The following CACNA1C variants were observed in gnomAD, a reference collection of about 807,000 sequenced individuals.
CACNA1C encodes calcium voltage-gated channel subunit alpha1 C.
Under a neutral mutation model 229.0 loss-of-function variants are expected in CACNA1C, and 30 were observed. That is an observed-to-expected ratio of 0.13 (90% CI 0.10 to 0.18). The LOEUF (loss-of-function observed/expected upper bound fraction) is 0.18, where lower values mean the gene tolerates loss of function less well. Among genes scored for constraint, CACNA1C ranks in the 10% least tolerant of loss-of-function variants. The pLI is 1.00. For synonymous variants in CACNA1C, 1,114 were observed against 1,132.5 expected, an observed-to-expected ratio of 0.98 and a Z score of 0.33; for missense variants, 1,658 against 2,845.0, an observed-to-expected ratio of 0.58 and a Z score of 9.49.
chr12:2,063,171 G>C (rs1427313029), intron 1 of CACNA1C, among the ~76,000 whole-genome samples: 1 of 139,696 alleles, frequency 7.2e-6, no homozygotes, highest in Non-Finnish European at 1.5e-5. Context: ...TTTTTTTCCT[G>C]AGGTGTAGTC....
chr12:2,540,860 C>T (rs4275682), intron 9 of CACNA1C, among the ~76,000 whole-genome samples: 125,984 of 152,144 alleles, frequency 0.83, 52,425 homozygotes, highest in East Asian at 0.91. Flanking sequence ...CAGGGCTGCC[C>T]AACAGCGTAT....
intron 3 of CACNA1C, among the ~76,000 whole-genome samples, chr12:2,206,326 A>T (rs547495585): frequency 2.0e-4 from 30 of 151,454 alleles, no homozygotes; most frequent in Non-Finnish European, 4.3e-4. Context: ...AGCAGATGAG[A>T]CTCTGAGGGT....
chr12:2,300,776 C>G (rs2094492877), intron 3 of CACNA1C, among the ~76,000 whole-genome samples: 1 of 152,128 alleles, frequency 6.6e-6, no homozygotes, highest in Admixed American at 6.5e-5. Flanking sequence ...CTAGGACTCT[C>G]CAGGGCTAGA....
At chr12:2,277,277 C>T (rs1165353414) in intron 3 of CACNA1C, among the ~76,000 whole-genome samples, 1 of 151,768 alleles carries the variant, frequency 6.6e-6, no homozygotes, top group East Asian at 2.0e-4. Context: ...ATAGTTGTTT[C>T]TAGCAACTCA....
intron 9 of CACNA1C, among the ~76,000 whole-genome samples, chr12:2,518,474 G>A (rs1284183411): frequency 1.3e-5 from 2 of 152,084 alleles, no homozygotes; most frequent in Non-Finnish European, 1.5e-5. Flanking sequence ...CAGGAGCGGT[G>A]GCGGGCTCCT....
intron 1 of CACNA1C, among the ~76,000 whole-genome samples, chr12:2,095,096 T>G (rs1337735695): frequency 3.3e-5 from 5 of 152,232 alleles, no homozygotes; most frequent in Non-Finnish European, 1.5e-5. Context: ...AGACGGGAAC[T>G]TAGGGCTCCT....
intron 1 of CACNA1C, among the ~76,000 whole-genome samples, chr12:2,110,985 C>CTGTCTCACCCGAGAGGCCACACT (rs2081470939): frequency 6.6e-6 from 1 of 152,134 alleles, no homozygotes; most frequent in South Asian, 2.1e-4. Context: ...GAGGCCACAC[C>CTGTCTCACCCGAGAGGCCACACT]TGTCTCACCC....
intron 9 of CACNA1C, among the ~76,000 whole-genome samples, chr12:2,516,184 G>A (rs1351261297): frequency 6.6e-6 from 1 of 152,172 alleles, no homozygotes. Context: ...GCAGATAGTT[G>A]GGAAAGGAGC....
chr12:2,204,921 T>A (rs1335798179), intron 3 of CACNA1C, among the ~76,000 whole-genome samples: 1 of 144,558 alleles, frequency 6.9e-6, no homozygotes, highest in African/African-American at 2.5e-5. Flanking sequence ...TGTGCACATG[T>A]ACCCTAAAAC....
At chr12:2,269,925 A>AGGACCAAGACACCAAGGTAGGGGGAC (rs1468101960) in intron 3 of CACNA1C, 3 of 152,296 alleles carry the variant, frequency 2.0e-5, no homozygotes, top group Non-Finnish European at 4.4e-5. Context: ...TGTCACTGCC[A>AGGACCAAGACACCAAGGTAGGGGGAC]GGACCAAGAC....
At chr12:2,540,787 GTGGT>G (rs1368383685) in intron 9 of CACNA1C, among the ~76,000 whole-genome samples, 1 of 152,240 alleles carries the variant, frequency 6.6e-6, no homozygotes, top group Non-Finnish European at 1.5e-5. Context: ...GCAGCCCGGT[GTGGT>G]TGGAGTTTCT....
Position 2,319,545 on chromosome 12 carries a change from TCTCCA to T in CACNA1C, c.478-129427_478-129423del, listed in dbSNP as rs1265576065. On this transcript the variant is annotated intron_variant, in intron 3 of 46. Coordinates refer to ENST00000399655, the MANE Select transcript of CACNA1C (RefSeq NM_000719.7). The surrounding 1 kb of genome is among the most constrained non-coding windows in gnomAD (Gnocchi z 4.0). ...CCAGCGGGTGGGTTGGATTCCAGGG[TCTCCA>T]CTCAGGGGCATTGCCGGGTGAGCCT... Among the ~76,000 whole-genome samples, 1 of 152,004 alleles carries T rather than the reference TCTCCA, an allele frequency of 6.6e-6. No homozygotes were observed. The highest frequency in any genetic ancestry group is 1.5e-5 in the Non-Finnish European group (1 of 67,972).
chr12:2,051,887 G>C (rs940936505), upstream of CACNA1C, among the ~76,000 whole-genome samples: 1 of 152,210 alleles, frequency 6.6e-6, no homozygotes, highest in African/African-American at 2.4e-5. Context: ...ATAGACATTT[G>C]ATATAGACAG....
At chr12:2,091,734 A>T (rs1157925606) in intron 1 of CACNA1C, among the ~76,000 whole-genome samples, 1 of 152,232 alleles carries the variant, frequency 6.6e-6, no homozygotes, top group Non-Finnish European at 1.5e-5. Flanking sequence ...GATGGTCATT[A>T]TTCAGCCCAC....
chr12:2,260,848 A>C (rs545488750), intron 3 of CACNA1C, among the ~76,000 whole-genome samples: 1 of 152,332 alleles, frequency 6.6e-6, no homozygotes, highest in South Asian at 2.1e-4. Context: ...TTATATTCTC[A>C]ATAACTACTG....
rs2099706303 is a variant in CACNA1C, at chr12:2,488,689, C to T, written c.916+2427C>T. On this transcript the variant is annotated intron_variant, in intron 6 of 46. Transcript: ENST00000399655. The surrounding 1 kb of genome is among the most constrained non-coding windows in gnomAD (Gnocchi z 4.0). The stretch of plus-strand genomic sequence containing the variant: ...CCATGAGCCAAGGGGGCCAGGACAA[C>T]AGCAGAAGTGCTCCAGAGAGAAGGG... 6.6e-6 allele frequency among the ~76,000 whole-genome samples: 1 copy of T among 152,194 alleles called. No individual in the cohort carries two copies. Among genetic ancestry groups the T allele is most frequent in the Non-Finnish European group, 1.5e-5 (1 of 68,032 alleles).
chr12:2,489,562 T>A (rs544819769), intron 6 of CACNA1C, among the ~76,000 whole-genome samples: 12 of 152,346 alleles, frequency 7.9e-5, no homozygotes, highest in African/African-American at 2.6e-4. Flanking sequence ...TCACTCTGAA[T>A]AGCTTCCCAA....
intron 3 of CACNA1C, among the ~76,000 whole-genome samples, chr12:2,350,803 C>T (rs779153884): frequency 1.3e-5 from 2 of 152,242 alleles, no homozygotes; most frequent in African/African-American, 2.4e-5. Context: ...TCGCAGGACA[C>T]CAGAGTCTTC....
chr12:2,395,548 G>A (rs1164869928), intron 3 of CACNA1C, among the ~76,000 whole-genome samples: 3 of 152,106 alleles, frequency 2.0e-5, no homozygotes, highest in Non-Finnish European at 4.4e-5. Flanking sequence ...TGAAGACAGA[G>A]GGACTCAGTG....
Sources: gnomAD v4.1 joint callset for allele counts (sites outside exome capture counted in the v4.1 genomes callset) on GRCh38, gnomAD v4.1.1 for gene constraint, Gnocchi (gnomAD v3.1) non-coding constraint, MANE v1.5 for transcripts, NCBI Gene and HGNC (gene_info 2026-07-23, HGNC 2026-07-21) for gene names.